The following LINGO2 variants were observed in gnomAD, a reference collection of about 807,000 sequenced individuals.
LINGO2 encodes the protein leucine-rich repeat and immunoglobulin-like domain-containing nogo receptor-interacting protein 2.
In LINGO2, 14 loss-of-function variants were observed where a neutral mutation model predicts 30.6. That is an observed-to-expected ratio of 0.46 (90% CI 0.30 to 0.72). The LOEUF (loss-of-function observed/expected upper bound fraction) is 0.72, where lower values mean the gene tolerates loss of function less well. Ranked by LOEUF, LINGO2 falls within the 30% of genes least tolerant of loss-of-function variation. LINGO2 has a pLI of 0.07. For missense variants in LINGO2, 729 were observed against 751.7 expected (o/e 0.97, Z 0.35); for synonymous variants, 317 against 288.5 (o/e 1.10, Z -1.00).
chr9:29,047,231 A>C, the LINGO2 span, among the ~76,000 whole-genome samples: 1 of 152,086 alleles, frequency 6.6e-6, no homozygotes, highest in Non-Finnish European at 1.5e-5. Flanking sequence ...CCCCATTAAA[A>C]AGTGGGCAAA....
At chr9:27,990,746 G>A (rs1050267614) in intron 5 of LINGO2, among the ~76,000 whole-genome samples, 1 of 152,042 alleles carries the variant, frequency 6.6e-6, no homozygotes, top group African/African-American at 2.4e-5. Flanking sequence ...CTGACACAAA[G>A]TCTATGTGGT....
intron 1 of LINGO2, among the ~76,000 whole-genome samples, chr9:28,642,266 C>G (rs1299923775): frequency 6.6e-6 from 1 of 151,832 alleles, no homozygotes; most frequent in Non-Finnish European, 1.5e-5. Flanking sequence ...TTTCAGTAAA[C>G]ATATTCTGCT....
chr9:28,637,749 C>T (rs946057628), intron 1 of LINGO2, among the ~76,000 whole-genome samples: 11 of 152,104 alleles, frequency 7.2e-5, no homozygotes, highest in African/African-American at 2.7e-4. Context: ...TCTAGATATA[C>T]AATCAAGTCA....
intron 4 of LINGO2, among the ~76,000 whole-genome samples, chr9:28,141,412 A>C (rs1198535342): frequency 6.6e-6 from 1 of 152,254 alleles, no homozygotes; most frequent in East Asian, 1.9e-4. Context: ...AGGGACGCTC[A>C]GTGTTCAGCA....
chr9:28,473,411 T>TCA (rs1376245556), intron 2 of LINGO2, among the ~76,000 whole-genome samples: 34 of 150,566 alleles, frequency 2.3e-4, no homozygotes, highest in East Asian at 7.8e-4. Context: ...TCTCTCTCTC[T>TCA]CACACACACA....
chr9:29,000,753 G>C, the LINGO2 span, among the ~76,000 whole-genome samples: 1 of 151,520 alleles, frequency 6.6e-6, no homozygotes. Context: ...CTTCCCTTAG[G>C]TATATTTTGC....
chr9:29,042,716 T>C, the LINGO2 span, among the ~76,000 whole-genome samples: 2 of 152,014 alleles, frequency 1.3e-5, no homozygotes, highest in African/African-American at 4.8e-5. Flanking sequence ...CATTGTGGGA[T>C]GACTAAATCA....
chr9:28,192,856 T>C (rs1819870793), intron 4 of LINGO2, among the ~76,000 whole-genome samples: 1 of 152,136 alleles, frequency 6.6e-6, no homozygotes, highest in Non-Finnish European at 1.5e-5. Context: ...AATACATTTT[T>C]CTATGTGAAA....
At chr9:28,660,151 C>T (rs946519706) in intron 1 of LINGO2, among the ~76,000 whole-genome samples, 3 of 151,964 alleles carry the variant, frequency 2.0e-5, no homozygotes, top group Non-Finnish European at 4.4e-5. Flanking sequence ...ATTTTGAGCA[C>T]CTATATTATT....
the LINGO2 span, among the ~76,000 whole-genome samples, chr9:28,769,963 C>A: frequency 6.6e-6 from 1 of 151,974 alleles, no homozygotes; most frequent in African/African-American, 2.4e-5. Flanking sequence ...TCACAAAGTT[C>A]TCTCTTCTGT....
chr9:28,381,454 T>C (rs576095202), intron 2 of LINGO2, among the ~76,000 whole-genome samples: 172 of 152,166 alleles, frequency 1.1e-3, no homozygotes, highest in African/African-American at 3.8e-3. Flanking sequence ...CAGCCGCTCA[T>C]GGAATACAGG....
At chr9:28,281,144 T>C (rs61040857) in intron 4 of LINGO2, among the ~76,000 whole-genome samples, 1,915 of 152,250 alleles carry the variant, frequency 0.013, 37 homozygotes, top group African/African-American at 0.044. Context: ...TGAATGCAGA[T>C]GCATGTACAG....
intron 4 of LINGO2, among the ~76,000 whole-genome samples, chr9:28,161,665 G>A (rs545660225): frequency 6.6e-6 from 1 of 152,084 alleles, no homozygotes; most frequent in African/African-American, 2.4e-5. Flanking sequence ...AAACCAGCTA[G>A]CATGTTGTAT....
intron 1 of LINGO2, among the ~76,000 whole-genome samples, chr9:28,615,207 G>T (rs1563865627): frequency 6.6e-6 from 1 of 152,078 alleles, no homozygotes; most frequent in Non-Finnish European, 1.5e-5. Flanking sequence ...GAATATCTTG[G>T]TCATTGATTT....
intron 5 of LINGO2, among the ~76,000 whole-genome samples, chr9:27,993,063 C>T (rs903841917): frequency 6.6e-5 from 10 of 152,034 alleles, no homozygotes; most frequent in Non-Finnish European, 1.2e-4. Flanking sequence ...AATCACTTGA[C>T]GATGGTTAAT....
At chr9:29,032,670 G>A in the LINGO2 span, among the ~76,000 whole-genome samples, 9 of 152,246 alleles carry the variant, frequency 5.9e-5, no homozygotes, top group African/African-American at 2.2e-4. Context: ...ACATAGTTCA[G>A]AAACAGATGC....
chr9:28,697,096 G>A, the LINGO2 span, among the ~76,000 whole-genome samples: 1 of 151,904 alleles, frequency 6.6e-6, no homozygotes, highest in African/African-American at 2.4e-5. Flanking sequence ...TTTATGAACA[G>A]TATGTTATTT....
chr9:28,059,237 C>A (rs1825063061), intron 4 of LINGO2, among the ~76,000 whole-genome samples: 1 of 152,084 alleles, frequency 6.6e-6, no homozygotes, highest in Non-Finnish European at 1.5e-5. Flanking sequence ...AGCTGTAGAT[C>A]ATGTGCCTAC....
At chr9:29,155,686 G>C in the LINGO2 span, among the ~76,000 whole-genome samples, 1 of 151,618 alleles carries the variant, frequency 6.6e-6, no homozygotes, top group Non-Finnish European at 1.5e-5. Context: ...GGAATTAACA[G>C]AGTAATATTT....
Sources: gnomAD v4.1 joint callset for allele counts (sites outside exome capture counted in the v4.1 genomes callset) on GRCh38, gnomAD v4.1.1 for gene constraint, MANE v1.5 for transcripts, NCBI Gene and HGNC (gene_info 2026-07-23, HGNC 2026-07-21) for gene names.